Variants in ZFHX3 observed in about 807,000 individuals in gnomAD.
ZFHX3 encodes zinc finger homeobox 3.
In ZFHX3, 42 loss-of-function variants were observed where a neutral mutation model predicts 279.1. The observed-to-expected ratio is 0.15, with a 90% CI of 0.12 to 0.19. The LOEUF is 0.19. Ranked by LOEUF, ZFHX3 falls within the 10% of genes least tolerant of loss-of-function variation. The probability of loss-of-function intolerance (pLI) is 1.00; values close to 1 mark genes in which losing one functional copy is unlikely to be tolerated. For missense variants in ZFHX3, 4,981 were observed against 4,754.0 expected, an observed-to-expected ratio of 1.05 and a Z score of -1.40; for synonymous variants, 2,293 against 1,957.8, an observed-to-expected ratio of 1.17 and a Z score of -4.52.
intron 1 of ZFHX3, among the ~76,000 whole-genome samples, chr16:73,682,551 C>T (rs2053021510): frequency 6.6e-6 from 1 of 151,880 alleles, no homozygotes; most frequent in Non-Finnish European, 1.5e-5. Context: ...TTTCGGAAGC[C>T]GAGGTGGGTG....
intron 2 of ZFHX3, among the ~76,000 whole-genome samples, chr16:73,585,930 C>T (rs527794565): frequency 6.1e-4 from 93 of 151,864 alleles, no homozygotes; most frequent in African/African-American, 2.1e-3. Context: ...AAAAAATAAA[C>T]GTGGGATAAC....
intron 5 of ZFHX3, among the ~76,000 whole-genome samples, chr16:73,159,387 G>A (rs1296705610): frequency 2.0e-5 from 3 of 151,878 alleles, no homozygotes; most frequent in Non-Finnish European, 4.4e-5. Context: ...ACTTTTTTTC[G>A]GCCAATGGGA....
chr16:73,404,864 A>T (rs1033526487), intron 3 of ZFHX3, among the ~76,000 whole-genome samples: 1 of 152,186 alleles, frequency 6.6e-6, no homozygotes, highest in Non-Finnish European at 1.5e-5. Flanking sequence ...AGCACTTTAC[A>T]TACATTATCT....
chr16:73,118,643 C>A (rs533142323), intron 7 of ZFHX3, among the ~76,000 whole-genome samples: 1 of 152,134 alleles, frequency 6.6e-6, no homozygotes, highest in African/African-American at 2.4e-5. Flanking sequence ...GTCACTGGAC[C>A]ACTAGGAGTT....
intron 1 of ZFHX3, among the ~76,000 whole-genome samples, chr16:73,758,898 G>A (rs760112544): frequency 6.6e-6 from 1 of 152,198 alleles, no homozygotes; most frequent in Non-Finnish European, 1.5e-5. Flanking sequence ...ACAGTATGCT[G>A]TAAGGCAGAT....
chr16:73,499,939 C>T (rs2019206068), intron 2 of ZFHX3: 3 of 152,208 alleles, frequency 2.0e-5, no homozygotes, highest in African/African-American at 7.2e-5. Context: ...CTGGTACCAA[C>T]AAATTTACTG....
At chr16:73,167,441 A>G (rs1967400780) in intron 5 of ZFHX3, among the ~76,000 whole-genome samples, 2 of 152,242 alleles carry the variant, frequency 1.3e-5, no homozygotes, top group African/African-American at 4.8e-5. Flanking sequence ...TGTGCGATTG[A>G]GTGAAATTGC....
chr16:73,243,744 TTGTGTGTG>T (rs34895940), intron 5 of ZFHX3, among the ~76,000 whole-genome samples: 2 of 149,908 alleles, frequency 1.3e-5, no homozygotes, highest in South Asian at 2.1e-4. Flanking sequence ...CCAACACGTT[TTGTGTGTG>T]TGTGTGTGTG....
chr16:73,817,959 C>A (rs1405112665), intron 1 of ZFHX3, among the ~76,000 whole-genome samples: 1 of 152,042 alleles, frequency 6.6e-6, no homozygotes, highest in Non-Finnish European at 1.5e-5. Context: ...ACGGGAAGGC[C>A]AACAAAGCCA....
At position 72,972,921 on chromosome 16, in the gene ZFHX3, C is replaced by T. The variant is rs1289002731; in HGVS notation, c.-49-12727G>A. ...TTCTTTTATCATTTCAACTCACAGA[C>T]ATCTCTCCTCCCTGTTCTCCTGTAG... On this transcript the variant is annotated intron_variant, in intron 1 of 9. Coordinates refer to ENST00000268489, the MANE Select transcript of ZFHX3 (RefSeq NM_006885.4). Among the ~76,000 whole-genome samples, 3 of 152,314 alleles carry T rather than the reference C, an allele frequency of 2.0e-5. No homozygotes were observed. The East Asian group carries it at 5.8e-4, about 29-fold the overall frequency.
intron 1 of ZFHX3, among the ~76,000 whole-genome samples, chr16:73,787,453 G>C (rs1019863559): frequency 6.6e-6 from 1 of 152,176 alleles, no homozygotes; most frequent in Non-Finnish European, 1.5e-5. Flanking sequence ...TATAAGTACT[G>C]TTCAGCTGTC....
chr16:72,920,327 G>A (rs1183742619), intron 3 of ZFHX3, among the ~76,000 whole-genome samples: 1 of 152,062 alleles, frequency 6.6e-6, no homozygotes, highest in Non-Finnish European at 1.5e-5. Flanking sequence ...AATACACACA[G>A]CCACCAACAG....
At chr16:73,416,766 A>G (rs11646684) in intron 3 of ZFHX3, among the ~76,000 whole-genome samples, 1 of 140,470 alleles carries the variant, frequency 7.1e-6, no homozygotes, top group Non-Finnish European at 1.6e-5. Flanking sequence ...CCCAGCTACC[A>G]GGGAGGCTGA....
chr16:72,997,441 G>A (rs1963338705), intron 1 of ZFHX3, among the ~76,000 whole-genome samples: 1 of 152,094 alleles, frequency 6.6e-6, no homozygotes, highest in Admixed American at 6.5e-5. Flanking sequence ...GGTTCCCCAG[G>A]GTGAAGCCCC....
chr16:72,924,319 G>C (rs1399917453), intron 3 of ZFHX3, among the ~76,000 whole-genome samples: 1 of 152,146 alleles, frequency 6.6e-6, no homozygotes, highest in Non-Finnish European at 1.5e-5. Flanking sequence ...GCCCTTCCTA[G>C]GAATAGTTCA....
chr16:73,537,678 T>C (rs1454724310), intron 2 of ZFHX3, among the ~76,000 whole-genome samples: 1 of 152,220 alleles, frequency 6.6e-6, no homozygotes, highest in Non-Finnish European at 1.5e-5. Context: ...AGGCGAAGCC[T>C]GAGGATCCAA....
intron 3 of ZFHX3, among the ~76,000 whole-genome samples, chr16:73,351,416 T>C (rs2016238987): frequency 6.6e-6 from 1 of 152,168 alleles, no homozygotes; most frequent in Non-Finnish European, 1.5e-5. Context: ...AGTGAGTCAG[T>C]TCACGGCGGC....
At chr16:73,673,200 G>C (rs916354397) in intron 2 of ZFHX3, among the ~76,000 whole-genome samples, 3 of 152,170 alleles carry the variant, frequency 2.0e-5, no homozygotes, top group Non-Finnish European at 4.4e-5. Flanking sequence ...TCCCCTCTAA[G>C]TGGGGAGGAG....
intron 7 of ZFHX3, among the ~76,000 whole-genome samples, chr16:73,117,011 C>T (rs1966440133): frequency 6.6e-6 from 1 of 152,170 alleles, no homozygotes; most frequent in Non-Finnish European, 1.5e-5. Context: ...AATCTGCCTA[C>T]CCAAGGCTAT....
Sources: allele counts gnomAD v4.1 joint callset (sites outside exome capture counted in the v4.1 genomes callset), GRCh38; gene constraint gnomAD v4.1.1; transcripts MANE v1.5; gene names NCBI Gene and HGNC (gene_info 2026-07-23, HGNC 2026-07-21).